Variants in BCL2L13 observed in about 807,000 individuals in gnomAD.
BCL2L13 encodes BCL2 like 13, also known as bcl-2-like protein 13.
BCL2L13 carries 13 observed loss-of-function variants against 25.8 expected under a neutral mutation model. That is an observed-to-expected ratio of 0.50 (90% CI 0.33 to 0.80). The LOEUF (loss-of-function observed/expected upper bound fraction) is 0.80. Ranked by LOEUF, BCL2L13 falls within the 30% of genes least tolerant of loss-of-function variation. The pLI is 0.02. For missense variants in BCL2L13, 504 were observed against 574.9 expected (o/e 0.88, Z 1.26); for synonymous variants, 244 against 230.3 (o/e 1.06, Z -0.54).
At chr22:17,703,652 A>G (rs1035779534) in intron 6 of BCL2L13, 2 of 152,234 alleles carry the variant, frequency 1.3e-5, no homozygotes, top group African/African-American at 2.4e-5. Context: ...TTTAATTACT[A>G]TGGATACTAA....
chr22:17,716,954 A>G (rs1033909938), intron 6 of BCL2L13, among the ~76,000 whole-genome samples: 2 of 152,164 alleles, frequency 1.3e-5, no homozygotes, highest in African/African-American at 4.8e-5. Context: ...ATATCAAGAA[A>G]GGTACTGATA....
intron 6 of BCL2L13, among the ~76,000 whole-genome samples, chr22:17,722,380 T>TGG (rs1555898165): frequency 2.3e-5 from 2 of 85,946 alleles, no homozygotes; most frequent in Admixed American, 9.6e-5. Flanking sequence ...ACTACAGGGG[T>TGG]GTGTGTGTGT....
At chr22:17,709,740 CT>C (rs1416376445) in intron 6 of BCL2L13, among the ~76,000 whole-genome samples, 1 of 151,722 alleles carries the variant, frequency 6.6e-6, no homozygotes, top group Non-Finnish European at 1.5e-5. Flanking sequence ...TGAGATTGTG[CT>C]GCTGCACTCC....
intron 6 of BCL2L13, among the ~76,000 whole-genome samples, chr22:17,716,411 T>G (rs1371747223): frequency 6.6e-6 from 1 of 152,218 alleles, no homozygotes; most frequent in Non-Finnish European, 1.5e-5. Flanking sequence ...TCTATGTGAA[T>G]AAGGAGACAG....
chr22:17,641,595 A>G (rs192712268), intron 1 of BCL2L13, among the ~76,000 whole-genome samples: 1 of 152,220 alleles, frequency 6.6e-6, no homozygotes, highest in East Asian at 1.9e-4. Flanking sequence ...TGTACAATTC[A>G]GTACTTTTTA....
rs180683365 is a variant in BCL2L13 at position 17,675,269 on chromosome 22, G to A, written c.122-7945G>A. 3.0e-3 allele frequency among the ~76,000 whole-genome samples: 451 copies of A among 152,104 alleles called. 10 individuals carry two copies. Among genetic ancestry groups the A allele is most frequent in the Non-Finnish European group, 7.6e-4 (52 of 67,990 alleles). On this transcript the variant is annotated intron_variant, in intron 2 of 6. Transcript: ENST00000317582. Reference sequence around the variant, plus strand: ...TGCAGTAGAAAATGTTGTCAATATCGGCCAGACGCGGTGGCTCACTCCTGT... The same window carrying A: ...TGCAGTAGAAAATGTTGTCAATATCAGCCAGACGCGGTGGCTCACTCCTGT...
chr22:17,669,097 A>T (rs1162188113), intron 2 of BCL2L13, among the ~76,000 whole-genome samples: 4 of 132,196 alleles, frequency 3.0e-5, no homozygotes, highest in Non-Finnish European at 1.5e-5. Flanking sequence ...CAGTGGTGCG[A>T]TCTCAGCTCA....
intron 6 of BCL2L13, among the ~76,000 whole-genome samples, chr22:17,706,332 T>G (rs925615755): frequency 6.6e-6 from 1 of 151,488 alleles, no homozygotes. Flanking sequence ...CTACCTTGTT[T>G]TTTTTTTTTT....
At chr22:17,687,807 G>A (rs1466557438) in intron 3 of BCL2L13, among the ~76,000 whole-genome samples, 2 of 140,030 alleles carry the variant, frequency 1.4e-5, no homozygotes, top group Non-Finnish European at 3.0e-5. Flanking sequence ...GTGAGCCACC[G>A]CACCCGGCCC....
Position 17,696,305 on chromosome 22 carries a change from G to C in BCL2L13, c.456+95G>C, listed in dbSNP as rs185820458. On this transcript the variant is annotated intron_variant, in intron 5 of 6. Transcript: ENST00000317582. Reference sequence around the variant, plus strand: ...TAGCATCATCAGCAGAAAACTGTTAGAGCTCATTCTTTAATGCACAAATCT... The same window carrying C: ...TAGCATCATCAGCAGAAAACTGTTACAGCTCATTCTTTAATGCACAAATCT... 3 of 1,040,406 alleles carry C rather than the reference G, an allele frequency of 2.9e-6. No homozygotes were observed. The African/African-American group carries it at 4.7e-5, about 16-fold the overall frequency. 64.4% of individuals were successfully genotyped at this position (1,040,406 alleles called of 1,614,324 possible). A position where few individuals can be genotyped will look rare whatever the true frequency, so the allele number is the denominator to read the frequency against.
At chr22:17,725,091 T>C (rs969773065) in intron 6 of BCL2L13, among the ~76,000 whole-genome samples, 1 of 152,218 alleles carries the variant, frequency 6.6e-6, no homozygotes, top group African/African-American at 2.4e-5. Context: ...TGTAGGGCTT[T>C]ATTGCTTTCA....
intron 1 of BCL2L13, among the ~76,000 whole-genome samples, chr22:17,651,533 C>T (rs1370141899): frequency 6.7e-6 from 1 of 150,108 alleles, no homozygotes; most frequent in Non-Finnish European, 1.5e-5. Flanking sequence ...AGGTGCCTGC[C>T]ACTGTGCCCG....
chr22:17,660,851 C>G (rs1198589205), intron 2 of BCL2L13, among the ~76,000 whole-genome samples: 1 of 146,496 alleles, frequency 6.8e-6, no homozygotes, highest in Non-Finnish European at 1.6e-5. Flanking sequence ...GTGGCACCAT[C>G]TTGGCTCATT....
upstream of BCL2L13, among the ~76,000 whole-genome samples, chr22:17,636,813 A>G (rs1389458449): frequency 6.6e-6 from 1 of 152,002 alleles, no homozygotes; most frequent in African/African-American, 2.4e-5. Flanking sequence ...ATAATAAAAA[A>G]TAAATAAATA....
chr22:17,640,087 C>T lies in BCL2L13; in HGVS notation c.-51+1201C>T, dbSNP rs1017476616. The stretch of plus-strand genomic sequence containing the variant: ...CAGGATGGTCTCGAACTCCCAATCT[C>T]TGGTCATCCCCCCGCCTCAGCCTCC... On this transcript the variant is annotated intron_variant, in intron 1 of 6. Transcript: ENST00000317582. 6.6e-5 allele frequency among the ~76,000 whole-genome samples: 10 copies of T among 152,330 alleles called. No homozygotes were observed. The East Asian group carries it at 9.6e-4, about 15-fold the overall frequency.
At chr22:17,681,782 G>A (rs905672774) in intron 2 of BCL2L13, among the ~76,000 whole-genome samples, 5 of 152,148 alleles carry the variant, frequency 3.3e-5, no homozygotes, top group African/African-American at 7.2e-5. Context: ...ACATTGTGCA[G>A]GGGTTAGGGC....
intron 6 of BCL2L13, among the ~76,000 whole-genome samples, chr22:17,722,700 GAATT>G (rs2061180237): frequency 6.6e-6 from 1 of 152,056 alleles, no homozygotes; most frequent in Admixed American, 6.5e-5. Flanking sequence ...ATAGATTTTA[GAATT>G]AATTAGTTGT....
intron 3 of BCL2L13, among the ~76,000 whole-genome samples, chr22:17,685,860 C>T (rs1601656521): frequency 7.0e-6 from 1 of 143,304 alleles, no homozygotes; most frequent in East Asian, 2.2e-4. Flanking sequence ...CAAGCTCCGC[C>T]TCCCAGCTTC....
At chr22:17,662,394 C>T (rs1270789231) in intron 2 of BCL2L13, among the ~76,000 whole-genome samples, 3 of 152,312 alleles carry the variant, frequency 2.0e-5, no homozygotes, top group East Asian at 1.9e-4. Context: ...AGGAGAATGG[C>T]GTGAACCCGG....
Sources: allele counts gnomAD v4.1 joint callset (sites outside exome capture counted in the v4.1 genomes callset), GRCh38; gene constraint gnomAD v4.1.1; transcripts MANE v1.5; gene names NCBI Gene and HGNC (gene_info 2026-07-23, HGNC 2026-07-21).